The following TOX variants were observed in gnomAD, a reference collection of about 807,000 sequenced individuals.
TOX encodes thymocyte selection-associated high mobility group box protein TOX.
TOX carries 11 observed loss-of-function variants against 53.7 expected under a neutral mutation model. The ratio of observed to expected loss-of-function variants is 0.20; its 90% CI spans 0.13 to 0.34. The LOEUF is 0.34. Among genes scored for constraint, TOX ranks in the 10% least tolerant of loss-of-function variants. The pLI is 1.00. For synonymous variants in TOX, 225 were observed against 245.3 expected, an observed-to-expected ratio of 0.92 and a Z score of 0.77; for missense variants, 570 against 664.6, an observed-to-expected ratio of 0.86 and a Z score of 1.56.
At chr8:59,068,304 G>A (rs2129422413) in intron 1 of TOX, among the ~76,000 whole-genome samples, 1 of 151,924 alleles carries the variant, frequency 6.6e-6, no homozygotes, top group Middle Eastern at 3.4e-3. Context: ...CAAGATATAA[G>A]GCAGAGAGTT....
At chr8:58,949,562 C>A (rs2129177384) in intron 2 of TOX, among the ~76,000 whole-genome samples, 1 of 152,090 alleles carries the variant, frequency 6.6e-6, no homozygotes, top group East Asian at 1.9e-4. Flanking sequence ...AAATTATTTG[C>A]CTGCATTTAT....
chr8:59,085,888 C>T (rs182773711), intron 1 of TOX, among the ~76,000 whole-genome samples: 1 of 151,762 alleles, frequency 6.6e-6, no homozygotes, highest in Non-Finnish European at 1.5e-5. Flanking sequence ...TTTTGTTCCT[C>T]TGGTTCTCCC....
At chr8:59,058,417 G>T (rs964065167) in intron 1 of TOX, among the ~76,000 whole-genome samples, 1 of 152,284 alleles carries the variant, frequency 6.6e-6, no homozygotes, top group East Asian at 1.9e-4. Context: ...GAGCAAGTGG[G>T]GCCATGAGGG....
intron 1 of TOX, among the ~76,000 whole-genome samples, chr8:59,053,036 A>G (rs1803821138): frequency 6.6e-6 from 1 of 152,198 alleles, no homozygotes; most frequent in Non-Finnish European, 1.5e-5. Flanking sequence ...CAATAAAACT[A>G]ATGATAATTA....
chr8:58,958,875 T>C (rs1468673346), intron 2 of TOX, among the ~76,000 whole-genome samples: 1 of 152,186 alleles, frequency 6.6e-6, no homozygotes, highest in African/African-American at 2.4e-5. Flanking sequence ...TTGAGTTAAG[T>C]ATGAGACATT....
intron 1 of TOX, among the ~76,000 whole-genome samples, chr8:59,084,138 T>C (rs1464873890): frequency 6.6e-6 from 1 of 152,204 alleles, no homozygotes; most frequent in Non-Finnish European, 1.5e-5. Context: ...CTAAAATACT[T>C]ATTCCATTCA....
chr8:58,873,957 G>GTTT (rs1585873069), intron 3 of TOX, among the ~76,000 whole-genome samples: 1 of 43,992 alleles, frequency 2.3e-5, no homozygotes, highest in African/African-American at 3.1e-4. Flanking sequence ...ATGCCAGGAA[G>GTTT]CTTTTTTTTT....
At chr8:58,897,485 G>A (rs868133288) in intron 3 of TOX, among the ~76,000 whole-genome samples, 18 of 152,294 alleles carry the variant, frequency 1.2e-4, no homozygotes, top group Middle Eastern at 3.4e-3. Context: ...TCATTGTAAA[G>A]AGAAATTTAT....
At chr8:59,002,668 C>A in intron 1 of TOX, among the ~76,000 whole-genome samples, 1 of 151,862 alleles carries the variant, frequency 6.6e-6, no homozygotes, top group South Asian at 2.1e-4. Flanking sequence ...AAAAGACCTT[C>A]TAACCATTTA....
intron 1 of TOX, among the ~76,000 whole-genome samples, chr8:59,029,086 T>A (rs1382031837): frequency 6.6e-6 from 1 of 152,192 alleles, no homozygotes; most frequent in African/African-American, 2.4e-5. Flanking sequence ...GAAATCGTAC[T>A]GTCATTTGTT....
intron 2 of TOX, among the ~76,000 whole-genome samples, chr8:58,954,309 G>C (rs923172911): frequency 6.6e-6 from 1 of 152,192 alleles, no homozygotes; most frequent in Non-Finnish European, 1.5e-5. Flanking sequence ...CTGCAATGCA[G>C]GGTCAAGAAT....
intron 3 of TOX, among the ~76,000 whole-genome samples, chr8:58,879,678 C>T (rs1481930803): frequency 6.6e-6 from 1 of 152,118 alleles, no homozygotes; most frequent in African/African-American, 2.4e-5. Context: ...TGCAAAAAAT[C>T]GAGAGACTGG....
At chr8:58,844,927 G>C (rs1810699287) in intron 4 of TOX, among the ~76,000 whole-genome samples, 1 of 152,016 alleles carries the variant, frequency 6.6e-6, no homozygotes, top group Admixed American at 6.6e-5. Context: ...AAGGCTTCTG[G>C]TAATTCACCC....
chr8:59,044,281 C>T (rs1585983628), intron 1 of TOX, among the ~76,000 whole-genome samples: 1 of 146,016 alleles, frequency 6.8e-6, no homozygotes, highest in African/African-American at 2.6e-5. Context: ...TGTGAAGCAA[C>T]AGCTCTGCCA....
intron 3 of TOX, among the ~76,000 whole-genome samples, chr8:58,919,002 T>C (rs1812027096): frequency 6.8e-6 from 1 of 146,952 alleles, no homozygotes; most frequent in African/African-American, 2.5e-5. Flanking sequence ...TTACAAGGGA[T>C]GTGAAGGACC....
chr8:59,052,925 A>C (rs1198984756), intron 1 of TOX, among the ~76,000 whole-genome samples: 1 of 152,236 alleles, frequency 6.6e-6, no homozygotes, highest in African/African-American at 2.4e-5. Context: ...CAAATAACGA[A>C]AAATGAATTG....
chr8:58,915,022 T>C (rs1339598384), intron 3 of TOX, among the ~76,000 whole-genome samples: 1 of 150,218 alleles, frequency 6.7e-6, no homozygotes, highest in East Asian at 2.0e-4. Flanking sequence ...ACCACGAGAC[T>C]ATATCCCACA....
At chr8:59,076,587 A>G (rs1012126841) in intron 1 of TOX, among the ~76,000 whole-genome samples, 1 of 152,198 alleles carries the variant, frequency 6.6e-6, no homozygotes, top group African/African-American at 2.4e-5. Context: ...AAAATATACA[A>G]TGTGACTAAT....
chr8:59,004,080 T>A (rs1232187743), intron 1 of TOX, among the ~76,000 whole-genome samples: 1 of 152,176 alleles, frequency 6.6e-6, no homozygotes, highest in Non-Finnish European at 1.5e-5. Flanking sequence ...GTCAGCAGAG[T>A]TGACACTTTC....
Sources: allele counts gnomAD v4.1 joint callset (sites outside exome capture counted in the v4.1 genomes callset), GRCh38; gene constraint gnomAD v4.1.1; transcripts MANE v1.5; gene names NCBI Gene and HGNC (gene_info 2026-07-23, HGNC 2026-07-21).